Variants in PLXDC2 observed in about 807,000 individuals in gnomAD.
The protein encoded by PLXDC2 is plexin domain containing 2.
PLXDC2 carries 40 observed loss-of-function variants against 68.9 expected under a neutral mutation model. That is an observed-to-expected ratio of 0.58 (90% confidence interval 0.45 to 0.76). The LOEUF (loss-of-function observed/expected upper bound fraction) is 0.76, where lower values mean the gene tolerates loss of function less well. PLXDC2 is among the 30% of genes least tolerant of loss of function. PLXDC2 has a pLI of 0.00. For synonymous variants in PLXDC2, 243 were observed against 234.2 expected (o/e 1.04, Z -0.34); for missense variants, 644 against 661.9 (o/e 0.97, Z 0.30).
chr10:19,829,486 TGTCCTGG>T (rs1174879919), intron 1 of PLXDC2, among the ~76,000 whole-genome samples: 1 of 152,214 alleles, frequency 6.6e-6, no homozygotes, highest in Non-Finnish European at 1.5e-5. Context: ...TGTAATGTGA[TGTCCTGG>T]GTTAAAGTAT....
intron 4 of PLXDC2, among the ~76,000 whole-genome samples, chr10:20,080,534 G>A (rs1175703055): frequency 6.6e-6 from 1 of 152,122 alleles, no homozygotes; most frequent in African/African-American, 2.4e-5. Context: ...ATGTTCGAGG[G>A]CAGGAAACAT....
chr10:19,950,153 T>A (rs10764180), intron 1 of PLXDC2, among the ~76,000 whole-genome samples: 124,407 of 152,094 alleles, frequency 0.82, 51,160 homozygotes, highest in East Asian at 0.95. Context: ...ATATTACTAA[T>A]TGTCCTAGTC....
chr10:20,191,315 C>T (rs1251932484), intron 9 of PLXDC2, among the ~76,000 whole-genome samples: 9 of 151,744 alleles, frequency 5.9e-5, no homozygotes, highest in Non-Finnish European at 1.3e-4. Flanking sequence ...TACTTTTACC[C>T]TCAGTTCTTG....
At chr10:20,211,093 G>A (rs1835063422) in intron 9 of PLXDC2, among the ~76,000 whole-genome samples, 1 of 152,086 alleles carries the variant, frequency 6.6e-6, no homozygotes, top group South Asian at 2.1e-4. Context: ...AGGCAGGATA[G>A]TCCAGGAGTT....
chr10:20,194,447 A>C (rs190005493), intron 9 of PLXDC2, among the ~76,000 whole-genome samples: 1 of 152,070 alleles, frequency 6.6e-6, no homozygotes, highest in Admixed American at 6.6e-5. Context: ...AAATAAATTA[A>C]TGAAATTGAA....
chr10:20,192,104 C>T (rs750446489), intron 9 of PLXDC2, among the ~76,000 whole-genome samples: 23 of 151,832 alleles, frequency 1.5e-4, no homozygotes, highest in Admixed American at 9.2e-4. Flanking sequence ...AAAGCTTACC[C>T]GAGGTTATGA....
At chr10:20,082,834 A>G (rs1429479601) in intron 4 of PLXDC2, among the ~76,000 whole-genome samples, 1 of 152,224 alleles carries the variant, frequency 6.6e-6, no homozygotes, top group East Asian at 1.9e-4. Context: ...GGGAACCCAT[A>G]GAGTAGAATA....
At chr10:20,138,505 C>A (rs1352372978) in intron 4 of PLXDC2, among the ~76,000 whole-genome samples, 2 of 152,198 alleles carry the variant, frequency 1.3e-5, no homozygotes, top group African/African-American at 4.8e-5. Flanking sequence ...ACCTATACTA[C>A]CCATGTGGCT....
chr10:20,062,511 T>C (rs1054693675), intron 3 of PLXDC2, among the ~76,000 whole-genome samples: 1 of 152,176 alleles, frequency 6.6e-6, no homozygotes, highest in African/African-American at 2.4e-5. Context: ...GTACCAAAGC[T>C]GAAATGTAAT....
chr10:19,911,634 A>C (rs1157665560), intron 1 of PLXDC2, among the ~76,000 whole-genome samples: 1 of 152,170 alleles, frequency 6.6e-6, no homozygotes, highest in Non-Finnish European at 1.5e-5. Context: ...AGTTGTGAAA[A>C]CTGAAGACCC....
At chr10:19,889,880 G>A (rs10827897) in intron 1 of PLXDC2, among the ~76,000 whole-genome samples, 58,145 of 152,020 alleles carry the variant, frequency 0.38, 11,793 homozygotes, top group African/African-American at 0.51. Flanking sequence ...TTCTCACTGA[G>A]TTCTCACAAA....
chr10:20,177,326 A>G lies in PLXDC2; in HGVS notation c.980-2A>G. ...GTGAATCTGTTCTTTCCTCTTCCCTAGCATGCCTCCAGTTTAACAGATGTG... is the reference window on the plus strand; with the variant it reads ...GTGAATCTGTTCTTTCCTCTTCCCTGGCATGCCTCCAGTTTAACAGATGTG... On this transcript the variant is annotated splice_acceptor_variant, in intron 8 of 13. Coordinates refer to ENST00000377252, the MANE Select transcript of PLXDC2 (RefSeq NM_032812.9). LOFTEE classifies it high-confidence loss of function. 6.3e-7 allele frequency: 1 copy of G among 1,593,958 alleles called. No homozygotes were observed. Among genetic ancestry groups the G allele is most frequent in the Non-Finnish European group, 8.6e-7 (1 of 1,162,032 alleles).
chr10:20,148,761 T>C (rs965185364), intron 6 of PLXDC2, among the ~76,000 whole-genome samples: 4 of 152,200 alleles, frequency 2.6e-5, no homozygotes, highest in African/African-American at 9.6e-5. Flanking sequence ...ACAGACTCGA[T>C]ATCTTATGTT....
intron 4 of PLXDC2, among the ~76,000 whole-genome samples, chr10:20,075,646 C>T (rs1836428212): frequency 6.6e-6 from 1 of 151,966 alleles, no homozygotes; most frequent in African/African-American, 2.4e-5. Context: ...AGAGAAAGCA[C>T]CCAGGAGCAA....
chr10:19,891,666 C>T (rs766860815), intron 1 of PLXDC2, among the ~76,000 whole-genome samples: 2 of 152,128 alleles, frequency 1.3e-5, no homozygotes, highest in Admixed American at 6.5e-5. Context: ...CTTGGGAGGT[C>T]GGTAACCTCT....
intron 1 of PLXDC2, among the ~76,000 whole-genome samples, chr10:19,914,323 A>G (rs1367230321): frequency 6.6e-6 from 1 of 152,198 alleles, no homozygotes; most frequent in African/African-American, 2.4e-5. Context: ...TAGGTAAAGT[A>G]TGTAATCATT....
chr10:19,941,414 T>C (rs950129093), intron 1 of PLXDC2, among the ~76,000 whole-genome samples: 1 of 152,184 alleles, frequency 6.6e-6, no homozygotes, highest in African/African-American at 2.4e-5. Context: ...TGGCATCCTG[T>C]AGCTCTTGGA....
At chr10:19,898,056 A>ATTGATTT (rs1372801349) in intron 1 of PLXDC2, among the ~76,000 whole-genome samples, 1 of 152,218 alleles carries the variant, frequency 6.6e-6, no homozygotes. Context: ...TTTATTTATT[A>ATTGATTT]TTGATTTTTT....
chr10:19,906,365 G>A (rs1833158402), intron 1 of PLXDC2, among the ~76,000 whole-genome samples: 1 of 152,176 alleles, frequency 6.6e-6, no homozygotes, highest in African/African-American at 2.4e-5. Flanking sequence ...GGGTCAGTCA[G>A]GAGGAAGATG....
Sources: gnomAD v4.1 joint callset for allele counts (sites outside exome capture counted in the v4.1 genomes callset) on GRCh38, gnomAD v4.1.1 for gene constraint, MANE v1.5 for transcripts, NCBI Gene and HGNC (gene_info 2026-07-23, HGNC 2026-07-21) for gene names.